The following MTCL1 variants were observed in gnomAD, a reference collection of about 807,000 sequenced individuals.
MTCL1 encodes microtubule crosslinking factor 1, also known as microtubule cross-linking factor 1.
In MTCL1, 79 loss-of-function variants were observed where a neutral mutation model predicts 141.4. The observed-to-expected ratio is 0.56, with a 90% CI of 0.47 to 0.67. The LOEUF (loss-of-function observed/expected upper bound fraction) is 0.67, where lower values mean the gene tolerates loss of function less well. MTCL1 is among the 30% of genes least tolerant of loss of function. The pLI is 0.00. For missense variants in MTCL1, 2,177 were observed against 2,113.9 expected (o/e 1.03, Z -0.59); for synonymous variants, 914 against 875.8 (o/e 1.04, Z -0.77).
chr18:8,756,586 C>G (rs1300363731), intron 4 of MTCL1, among the ~76,000 whole-genome samples: 1 of 147,572 alleles, frequency 6.8e-6, no homozygotes, highest in Non-Finnish European at 1.5e-5. Context: ...GATCCAAATT[C>G]TCACTTAGGT....
chr18:8,757,771 G>A (rs2096409611), intron 4 of MTCL1, among the ~76,000 whole-genome samples: 1 of 152,160 alleles, frequency 6.6e-6, no homozygotes, highest in Non-Finnish European at 1.5e-5. Flanking sequence ...GTTTTTGAAA[G>A]CAATAGGTTT....
chr18:8,742,107 G>A (rs149760276), intron 4 of MTCL1, among the ~76,000 whole-genome samples: 341 of 152,070 alleles, frequency 2.2e-3, no homozygotes, highest in African/African-American at 7.9e-3. Context: ...GCCAGTTCTA[G>A]ATAGGACAAA....
chr18:8,764,110 C>T (rs1598548484), intron 4 of MTCL1, among the ~76,000 whole-genome samples: 1 of 151,750 alleles, frequency 6.6e-6, no homozygotes, highest in East Asian at 1.9e-4. Flanking sequence ...GGTTTTTCTC[C>T]TAGAGAGAGA....
chr18:8,777,020 G>A (rs952134880), intron 4 of MTCL1, among the ~76,000 whole-genome samples: 7 of 152,116 alleles, frequency 4.6e-5, no homozygotes, highest in African/African-American at 7.2e-5. Flanking sequence ...GGATCACGAC[G>A]TCAGGAGATT....
upstream of MTCL1, among the ~76,000 whole-genome samples, chr18:8,715,620 G>A (rs944789183): frequency 3.3e-5 from 5 of 152,256 alleles, no homozygotes; most frequent in South Asian, 2.1e-4. Flanking sequence ...CAAGCATTGC[G>A]GTTAGGTTCT....
intron 12 of MTCL1, among the ~76,000 whole-genome samples, chr18:8,818,685 T>C (rs75618142): frequency 0.015 from 2,351 of 152,360 alleles, 64 homozygotes; most frequent in East Asian, 0.08. Context: ...CTCAGAGTTA[T>C]GTACAATAAC....
At chr18:8,789,268 A>G (rs9966467) in intron 7 of MTCL1, among the ~76,000 whole-genome samples, 1,839 of 152,330 alleles carry the variant, frequency 0.012, 40 homozygotes, top group African/African-American at 0.042. Context: ...AAGTATTTGC[A>G]CTCATGTGTT....
rs199872444 is a variant in MTCL1 at position 8,825,104 on chromosome 18, C to T, written c.3594C>T (p.Ala1198=). The T allele has an allele frequency of 2.8e-5, 45 of 1,604,062 alleles. No homozygotes were observed. The East Asian group carries it at 4.2e-4, about 15-fold the overall frequency. ...TGCGCGTGTTACACAGCCCGCCTGC[C>T]GTGCGCAGGGTCGACAGCATCACGG... is the stretch of plus-strand genomic sequence containing the variant. Residue 1198 remains alanine, a synonymous_variant, in exon 15 of 17, where the codon GCC becomes GCT. Coordinates refer to ENST00000359865, the Ensembl canonical transcript of MTCL1.
intron 4 of MTCL1, among the ~76,000 whole-genome samples, chr18:8,739,955 T>C (rs1404809011): frequency 6.6e-6 from 1 of 152,320 alleles, no homozygotes; most frequent in East Asian, 1.9e-4. Flanking sequence ...ATGTTCTCAA[T>C]CTCTTGACCT....
At position 8,829,594 on chromosome 18, in the gene MTCL1, C is replaced by G. The variant is rs898636160; in HGVS notation, c.*18+630C>G. The stretch of plus-strand genomic sequence containing the variant: ...TCAGAATTGCTTTCAGAGTCTGAGT[C>G]AAAGCACATGAGAAAAGATATACTT... On this transcript the variant is annotated intron_variant, in intron 16 of 16. Transcript: ENST00000359865. 3 of 985,206 alleles carry G rather than the reference C, an allele frequency of 3.0e-6. No individual in the cohort carries two copies. The African/African-American group carries it at 5.2e-5, about 17-fold the overall frequency. 61.0% of individuals were successfully genotyped at this position (985,206 alleles called of 1,614,324 possible). A position where few individuals can be genotyped will look rare whatever the true frequency, so the allele number is the denominator to read the frequency against.
intron 13 of MTCL1, among the ~76,000 whole-genome samples, chr18:8,820,659 C>T (rs985029430): frequency 2.6e-5 from 4 of 152,100 alleles, no homozygotes; most frequent in East Asian, 3.9e-4. Flanking sequence ...TTATACAGTC[C>T]GATTACATAG....
At chr18:8,714,610 A>G (rs547333389), upstream of MTCL1, among the ~76,000 whole-genome samples, 12 of 152,262 alleles carry the variant, frequency 7.9e-5, no homozygotes, top group African/African-American at 2.9e-4. Context: ...GCCGTTTATA[A>G]AACCATTAGA....
chr18:8,782,363 C>T (rs559716147), intron 5 of MTCL1: 1 of 152,278 alleles, frequency 6.6e-6, no homozygotes, highest in Admixed American at 6.5e-5. Flanking sequence ...GATGGCCGAT[C>T]AAAGAGGAGT....
chr18:8,720,082 A>G (rs2096158832), intron 3 of MTCL1: 2 of 356,802 alleles, frequency 5.6e-6, no homozygotes, highest in South Asian at 1.6e-4. Context: ...TACCAACTTT[A>G]GTGACACTAA....
chr18:8,783,613 A>C (rs1437671487), exon 6 of MTCL1: 1 of 1,613,694 alleles, frequency 6.2e-7, no homozygotes, highest in Non-Finnish European at 8.5e-7. Flanking sequence ...CCAAGCTAGG[A>C]AGGGAGAAGG....
At chr18:8,724,539 C>G in intron 4 of MTCL1, among the ~76,000 whole-genome samples, 1 of 152,310 alleles carries the variant, frequency 6.6e-6, no homozygotes, top group Middle Eastern at 3.4e-3. Context: ...AATGTGTACA[C>G]GATTTCTAGT....
At position 8,830,725 on chromosome 18, in the gene MTCL1, G is replaced by A; in HGVS notation, c.*19-882G>A. ...CATTCCAGCCAGCGGGCTCCATGCT[G>A]GGCAACTCAGTTTTCTCATGCCACA... On this transcript the variant is annotated intron_variant, in intron 16 of 16. Coordinates refer to ENST00000359865, the Ensembl canonical transcript of MTCL1. This position sits in a 1 kb window ranked among gnomAD's most constrained non-coding sequence, Gnocchi z 6.4. 1.0e-6 allele frequency: 1 copy of A among 985,446 alleles called. No individual in the cohort carries two copies. Among genetic ancestry groups the A allele is most frequent in the Non-Finnish European group, 1.2e-6 (1 of 829,960 alleles). 61.0% of individuals were successfully genotyped at this position (985,446 alleles called of 1,614,324 possible).
At position 8,826,036 on chromosome 18, in the gene MTCL1, G is replaced by A. The variant is rs779435966; in HGVS notation, c.4526G>A (p.Gly1509Glu). The A allele has an allele frequency of 8.8e-5, 142 of 1,611,392 alleles. 2 individuals carry two copies. The South Asian group carries it at 1.5e-3, about 17-fold the overall frequency. ...TCAGAGATGTGCAGGGAGGAAGGGG[G>A]AGAGGGCACGCCAGTGAAGCAGGAC... Residue 1509 changes from glycine to glutamate, a missense_variant, in exon 15 of 17, where the codon GGA becomes GAA. By Grantham distance (98) the Gly-to-Glu change is moderately conservative (BLOSUM62 -2). Transcript: ENST00000359865.
rs201800474 is a variant in MTCL1 at position 8,811,541 on chromosome 18, ATC to A, written c.2605-1436_2605-1435del. ...TCTTTATATATATATACATATATAT[ATC>A]TATGGTCTCAAAAAAGTTAAAAGAA... On this transcript the variant is annotated intron_variant, in intron 11 of 16. Transcript: ENST00000359865. Among the ~76,000 whole-genome samples the A allele has an allele frequency of 1.4e-4, 21 of 152,186 alleles. No individual in the cohort carries two copies. The East Asian group carries it at 2.7e-3, about 20-fold the overall frequency.
Sources: allele counts gnomAD v4.1 joint callset (sites outside exome capture counted in the v4.1 genomes callset), GRCh38; gene constraint gnomAD v4.1.1; non-coding constraint Gnocchi (gnomAD v3.1); transcripts MANE v1.5; gene names NCBI Gene and HGNC (gene_info 2026-07-23, HGNC 2026-07-21).